The following IL1RAPL1 variants were observed in gnomAD, a reference collection of about 807,000 sequenced individuals.
IL1RAPL1 encodes interleukin 1 receptor accessory protein like 1, also known as interleukin-1 receptor accessory protein-like 1.
IL1RAPL1 carries 3 observed loss-of-function variants against 48.4 expected under a neutral mutation model. The ratio of observed to expected loss-of-function variants is 0.06; its 90% CI spans 0.03 to 0.16. IL1RAPL1 has a LOEUF of 0.16. Among genes scored for constraint, IL1RAPL1 ranks in the 10% least tolerant of loss-of-function variants. IL1RAPL1 has a pLI of 1.00. For synonymous variants in IL1RAPL1, 185 were observed against 187.7 expected (o/e 0.99, Z 0.12); for missense variants, 349 against 530.6 (o/e 0.66, Z 3.36).
intron 2 of IL1RAPL1, among the ~76,000 whole-genome samples, chrX:28,937,623 T>C (rs1444003054): frequency 9.0e-6 from 1 of 111,330 alleles, no homozygotes; most frequent in African/African-American, 3.3e-5. Context: ...CACTCAAGTG[T>C]CTTAGGCTGA....
intron 2 of IL1RAPL1, among the ~76,000 whole-genome samples, chrX:28,945,909 G>A (rs1601970751): frequency 9.3e-6 from 1 of 107,421 alleles, no homozygotes; most frequent in African/African-American, 3.4e-5. Flanking sequence ...ATATATGTGT[G>A]TGTGTGTGTG....
intron 2 of IL1RAPL1, among the ~76,000 whole-genome samples, chrX:29,101,970 T>A (rs1333251509): frequency 9.0e-6 from 1 of 111,705 alleles, no homozygotes; most frequent in Non-Finnish European, 1.9e-5. Flanking sequence ...TCATTTATCA[T>A]GACCAAGTGG....
intron 2 of IL1RAPL1, among the ~76,000 whole-genome samples, chrX:29,030,691 G>A (rs1926598302): frequency 9.0e-6 from 1 of 111,250 alleles, no homozygotes; most frequent in Admixed American, 9.6e-5. Flanking sequence ...GGCAATAAAG[G>A]GCTTTGGCAA....
intron 5 of IL1RAPL1, among the ~76,000 whole-genome samples, chrX:29,479,469 A>G (rs1022893218): frequency 9.4e-6 from 1 of 106,860 alleles, no homozygotes; most frequent in African/African-American, 3.4e-5. Flanking sequence ...TAGGAAAGTA[A>G]ATTTTCACAA....
intron 2 of IL1RAPL1, among the ~76,000 whole-genome samples, chrX:29,020,220 A>G (rs1188207698): frequency 8.9e-6 from 1 of 112,624 alleles, no homozygotes; most frequent in African/African-American, 3.2e-5. Context: ...TTTTAAAATC[A>G]AGATATGAAT....
intron 2 of IL1RAPL1, among the ~76,000 whole-genome samples, chrX:29,122,705 A>G (rs1411990681): frequency 1.8e-5 from 2 of 111,084 alleles, no homozygotes; most frequent in African/African-American, 6.6e-5. Context: ...TAAGTTAAAC[A>G]TGTCGTTGAA....
intron 2 of IL1RAPL1, among the ~76,000 whole-genome samples, chrX:29,220,125 A>G (rs1930946812): frequency 8.9e-6 from 1 of 111,791 alleles, no homozygotes; most frequent in African/African-American, 3.3e-5. Flanking sequence ...TGTGTAATTT[A>G]ACAACTAAAT....
intron 1 of IL1RAPL1, among the ~76,000 whole-genome samples, chrX:28,715,235 A>T (rs1243285522): frequency 8.9e-6 from 1 of 112,484 alleles, no homozygotes; most frequent in Non-Finnish European, 1.9e-5. Flanking sequence ...ACTAAAGACT[A>T]AGGAATTCAC....
Position 29,580,104 on chromosome X carries a change from C to G in IL1RAPL1, c.704-88326C>G, listed in dbSNP as rs984513809. Among the ~76,000 whole-genome samples the G allele has an allele frequency of 4.6e-5, 5 of 108,522 alleles. No individual in the cohort carries two copies. In the Admixed American group the frequency reaches 4.9e-4, roughly 11 times the overall value. The allele number at this position is 108,522 out of a possible 115,157, so 94.2% of individuals were successfully genotyped here. A position where few individuals can be genotyped will look rare whatever the true frequency, so the allele number is the denominator to read the frequency against. ...TTATTTTGCTATAGCAAGATGGTCT[C>G]TCCTTTTTACTGGTATTTTCCCTCA... On this transcript the variant is annotated intron_variant, in intron 5 of 10. Coordinates refer to ENST00000378993, the MANE Select transcript of IL1RAPL1 (RefSeq NM_014271.4).
intron 6 of IL1RAPL1, among the ~76,000 whole-genome samples, chrX:29,740,008 C>T (rs139860550): frequency 2.3e-3 from 252 of 107,247 alleles, no homozygotes; most frequent in African/African-American, 7.9e-3. Context: ...TGCAGCAAGC[C>T]GAGATCGCGC....
intron 1 of IL1RAPL1, among the ~76,000 whole-genome samples, chrX:28,669,398 C>G (rs1263684535): frequency 9.1e-6 from 1 of 109,789 alleles, no homozygotes; most frequent in East Asian, 2.9e-4. Flanking sequence ...GCGGGTGGAT[C>G]ACTTGATGTC....
intron 5 of IL1RAPL1, among the ~76,000 whole-genome samples, chrX:29,604,579 C>T (rs1221107232): frequency 1.8e-5 from 2 of 111,173 alleles, no homozygotes; most frequent in Non-Finnish European, 3.8e-5. Context: ...GCTGGGATTA[C>T]AGACGTGAGC....
At position 29,860,582 on chromosome X, in the gene IL1RAPL1, T is replaced by A. The variant is rs1312080336; in HGVS notation, c.779-56882T>A. Among the ~76,000 whole-genome samples the A allele has an allele frequency of 2.7e-5, 3 of 111,161 alleles. No homozygotes were observed. In the Admixed American group the frequency reaches 2.9e-4, roughly 11 times the overall value. On this transcript the variant is annotated intron_variant, in intron 6 of 10. Transcript: ENST00000378993. The stretch of plus-strand genomic sequence containing the variant: ...TGTCCATGTGTTCTCATTGTTCAGC[T>A]TCCACTTACGAGTGAGACCATGAGG...
intron 2 of IL1RAPL1, among the ~76,000 whole-genome samples, chrX:29,051,224 T>C (rs748449130): frequency 1.7e-4 from 19 of 111,827 alleles, no homozygotes; most frequent in Non-Finnish European, 3.4e-4. Context: ...AGTAAGAATA[T>C]TGAGGGAAAA....
At chrX:29,031,741 C>G (rs1926623585) in intron 2 of IL1RAPL1, among the ~76,000 whole-genome samples, 1 of 111,098 alleles carries the variant, frequency 9.0e-6, no homozygotes, top group Non-Finnish European at 1.9e-5. Context: ...TGGGAGCATC[C>G]TTTCATACAA....
chrX:29,802,960 C>CATATATACATATATGTAT (rs1569173240), intron 6 of IL1RAPL1, among the ~76,000 whole-genome samples: 1 of 56,880 alleles, frequency 1.8e-5, no homozygotes, highest in African/African-American at 7.9e-5. Context: ...TATATGTATA[C>CATATATACATATATGTAT]ATGTGTACAT....
intron 3 of IL1RAPL1, among the ~76,000 whole-genome samples, chrX:29,320,523 CCAG>C (rs1460426683): frequency 9.0e-6 from 1 of 111,564 alleles, no homozygotes; most frequent in Non-Finnish European, 1.9e-5. Flanking sequence ...GCCTGTAATC[CCAG>C]CGATTTGGGA....
chrX:28,840,124 C>G lies in IL1RAPL1; in HGVS notation c.82+50699C>G, dbSNP rs1020638415. On this transcript the variant is annotated intron_variant, in intron 2 of 10. Transcript: ENST00000378993. ...GAATAGAATTCTAAAGCAATGGAAA[C>G]AGGCACTTTATATAGGAGTAAATAT... Among the ~76,000 whole-genome samples the G allele has an allele frequency of 3.6e-5, 4 of 109,983 alleles. No individual in the cohort carries two copies. The South Asian group carries it at 1.5e-3, about 41-fold the overall frequency.
intron 2 of IL1RAPL1, among the ~76,000 whole-genome samples, chrX:29,079,409 T>C (rs751235135): frequency 1.8e-5 from 2 of 111,234 alleles, no homozygotes; most frequent in Non-Finnish European, 3.8e-5. Flanking sequence ...AATAACATCA[T>C]TGGAGTCTTC....
Sources: allele counts gnomAD v4.1 joint callset (sites outside exome capture counted in the v4.1 genomes callset), GRCh38; gene constraint gnomAD v4.1.1; transcripts MANE v1.5; gene names NCBI Gene and HGNC (gene_info 2026-07-23, HGNC 2026-07-21).